The following RIF1 variants were observed in gnomAD, a reference collection of about 807,000 sequenced individuals.
RIF1 encodes the protein replication timing regulatory factor 1, also known as telomere-associated protein RIF1.
A neutral mutation model predicts 247.1 loss-of-function variants in RIF1; 45 were observed. The ratio of observed to expected loss-of-function variants is 0.18; its 90% CI spans 0.14 to 0.23. RIF1 has a LOEUF of 0.23. Among genes scored for constraint, RIF1 ranks in the 10% least tolerant of loss-of-function variants. The pLI, the probability that RIF1 is intolerant of heterozygous loss-of-function variation, is 1.00. For missense variants in RIF1, 2,967 were observed against 2,862.5 expected, an observed-to-expected ratio of 1.04 and a Z score of -0.83; for synonymous variants, 1,087 against 978.8, an observed-to-expected ratio of 1.11 and a Z score of -2.06.
intron 11 of RIF1, chr2:151,501,452 G>A (rs1427881592): frequency 6.5e-7 from 1 of 1,538,006 alleles, no homozygotes; most frequent in East Asian, 2.5e-5. Context: ...AGGTAGGGGA[G>A]TCCCCTTGCT....
At position 151,463,847 on chromosome 2, in the gene RIF1, C is replaced by A; in HGVS notation, c.4327C>A (p.Arg1443=). The change falls in exon 30 of 36, where the codon CGA becomes AGA. Residue 1443 remains arginine, a synonymous_variant. Coordinates refer to ENST00000444746, the MANE Select transcript of RIF1 (RefSeq NM_018151.5). ...GGAAAATAGTCATCAAAAAAAGGAA[C>A]GACGTAAGGAAGAAGAAAAACCTCT... The part of the protein sequence containing the change: ...DKENSHQKKE[R]RKEEEKPLQK... 1 of 1,611,718 alleles carries A rather than the reference C, an allele frequency of 6.2e-7. No homozygotes were observed. The highest frequency in any genetic ancestry group is 8.5e-7 in the Non-Finnish European group (1 of 1,179,506).
At chr2:151,456,921 A>G (rs1439013636) in intron 23 of RIF1, among the ~76,000 whole-genome samples, 1 of 151,908 alleles carries the variant, frequency 6.6e-6, no homozygotes, top group Non-Finnish European at 1.5e-5. Flanking sequence ...TTTAGTAGAG[A>G]CAGGGTTTCA....
intron 10 of RIF1, among the ~76,000 whole-genome samples, chr2:151,434,846 T>C (rs1462325447): frequency 3.3e-5 from 5 of 152,132 alleles, no homozygotes; most frequent in African/African-American, 1.2e-4. Flanking sequence ...TCTGGGGGTA[T>C]ATTTTAGGGG....
intron 21 of RIF1, among the ~76,000 whole-genome samples, chr2:151,454,534 C>A (rs1468947105): frequency 6.6e-6 from 1 of 152,016 alleles, no homozygotes; most frequent in African/African-American, 2.4e-5. Context: ...AATTTGGAAC[C>A]TATCTTATGT....
chr2:151,530,720 C>T, the RIF1 span: 5 of 326,384 alleles, frequency 1.5e-5, no homozygotes, highest in Non-Finnish European at 2.8e-5. Context: ...GCTCCCAGCC[C>T]GCAGCCATCA....
chr2:151,510,241 G>GT (rs1215056761), downstream of RIF1, among the ~76,000 whole-genome samples: 2 of 151,994 alleles, frequency 1.3e-5, no homozygotes, highest in Non-Finnish European at 2.9e-5. Flanking sequence ...GGCCTGGGGA[G>GT]TTTTTTTTAG....
the RIF1 span, among the ~76,000 whole-genome samples, chr2:151,532,729 G>A: frequency 6.8e-5 from 9 of 131,896 alleles, no homozygotes; most frequent in African/African-American, 2.5e-4. Context: ...AAGTTGCTAA[G>A]AGGAAAGCTC....
chr2:151,493,243 T>C, intron 9 of RIF1: 1 of 876,768 alleles, frequency 1.1e-6, no homozygotes, highest in Non-Finnish European at 1.8e-6. Flanking sequence ...CATTTTTCTC[T>C]TTTAAAATTT....
rs1008612933 is a variant in RIF1 at position 151,465,347 on chromosome 2, A to G, written c.5827A>G (p.Ile1943Val). Reference protein sequence around the residue: ...TKTGISEEAAIEENKRNDDSE... With the variant: ...TKTGISEEAAVEENKRNDDSE... Reference sequence around the variant, plus strand: ...AACTGGTATTTCTGAAGAAGCAGCAATAGAAGAAAATAAAAGAAATGATGA... The same window carrying G: ...AACTGGTATTTCTGAAGAAGCAGCAGTAGAAGAAAATAAAAGAAATGATGA... The change falls in exon 30 of 36, where the codon ATA becomes GTA. Residue 1943 changes from isoleucine (I) to valine (V), a missense_variant. Coordinates refer to ENST00000444746, the MANE Select transcript of RIF1 (RefSeq NM_018151.5). 1.4e-5 allele frequency: 22 copies of G among 1,613,806 alleles called. No individual in the cohort carries two copies. Among genetic ancestry groups the G allele is most frequent in the East Asian group, 2.2e-5 (1 of 44,888 alleles).
chr2:151,468,481 C>T lies in RIF1; in HGVS notation c.6755C>T (p.Thr2252Ile). 6.2e-7 allele frequency: 1 copy of T among 1,611,832 alleles called. No individual in the cohort carries two copies. Among genetic ancestry groups the T allele is most frequent in the South Asian group, 1.1e-5 (1 of 91,038 alleles). The change falls in exon 32 of 36, where the codon ACC (threonine) becomes ATC (isoleucine). Residue 2252 changes from threonine to isoleucine, a missense_variant. Physicochemically the swap from Thr to Ile is moderately conservative, Grantham distance 89 (BLOSUM62 -1). Around this residue, in one of 7 missense-constraint regions of RIF1, gnomAD observed 2,028 missense variants for 1,825.6 expected, o/e 1.11. Coordinates refer to ENST00000444746, the MANE Select transcript of RIF1 (RefSeq NM_018151.5). ...TSPTTQSKHNTTSAKGFLSPG... is the reference protein window; with the variant it reads ...TSPTTQSKHNITSAKGFLSPG... The stretch of plus-strand genomic sequence containing the variant: ...CTCCTTTCTTCTATCTAGCATAATA[C>T]CACTTCAGCCAAAGGATTTCTGTCC...
At chr2:151,524,308 T>C in the RIF1 span, 1 of 1,612,688 alleles carries the variant, frequency 6.2e-7, no homozygotes. Context: ...CCATCTGCAT[T>C]ACCTGGCTGC....
chr2:151,511,878 C>T (rs2074678100), downstream of RIF1, among the ~76,000 whole-genome samples: 1 of 152,118 alleles, frequency 6.6e-6, no homozygotes, highest in Non-Finnish European at 1.5e-5. Context: ...GATCTGCGCA[C>T]ACATTTTTAA....
At chr2:151,485,778 G>C (rs772621475), downstream of RIF1, 10 of 1,611,278 alleles carry the variant, frequency 6.2e-6, no homozygotes, top group Non-Finnish European at 8.5e-6. Flanking sequence ...CTTCAACGTA[G>C]TTGGCTGGGA....
At chr2:151,482,475 C>T (rs16830086), downstream of RIF1, among the ~76,000 whole-genome samples, 35,055 of 151,826 alleles carry the variant, frequency 0.23, 4,734 homozygotes, top group Admixed American at 0.36. Context: ...AGAGAGGTTT[C>T]GTCAAATAAG....
chr2:151,466,344 T>TA (rs1696870842), intron 30 of RIF1, among the ~76,000 whole-genome samples: 1 of 152,216 alleles, frequency 6.6e-6, no homozygotes, highest in Non-Finnish European at 1.5e-5. Context: ...CTAAAGATCT[T>TA]TATGCAGCTG....
intron 19 of RIF1, 95 bp from the exon 20 acceptor site, chr2:151,446,331 A>C: frequency 8.9e-7 from 1 of 1,127,058 alleles, no homozygotes; most frequent in Non-Finnish European, 1.3e-6. Flanking sequence ...TAAATGTTGC[A>C]GTGTTTTTAA....
At chr2:151,524,209 A>T in the RIF1 span, 1 of 974,174 alleles carries the variant, frequency 1.0e-6, no homozygotes, top group South Asian at 1.5e-5. Context: ...ACTATTACAG[A>T]CCCAGCATCC....
chr2:151,514,513 C>T, the RIF1 span: 2 of 1,126,242 alleles, frequency 1.8e-6, no homozygotes, highest in Non-Finnish European at 2.7e-6. Flanking sequence ...AAAACAATTC[C>T]AATTTTTAAA....
In RIF1 at chr2:151,429,214, G is replaced by A. The variant is rs185212812; in HGVS notation, c.925+292G>A. On this transcript the variant is annotated intron_variant, in intron 9 of 35. Transcript: ENST00000444746. Reference sequence around the variant, plus strand: ...TTTATTTATTTTTTGAGACAGGGTCGCTCTTGCCCAGGCTGGAGTGCAGTG... The same window carrying A: ...TTTATTTATTTTTTGAGACAGGGTCACTCTTGCCCAGGCTGGAGTGCAGTG... Among the ~76,000 whole-genome samples the A allele has an allele frequency of 6.0e-4, 92 of 152,116 alleles. 1 individual carries two copies. The highest frequency in any genetic ancestry group is 1.7e-3 in the African/African-American group (72 of 41,504).
Sources: allele counts gnomAD v4.1 joint callset (sites outside exome capture counted in the v4.1 genomes callset), GRCh38; gene constraint gnomAD v4.1.1; regional missense constraint gnomAD v4.1.1; transcripts MANE v1.5; gene names NCBI Gene and HGNC (gene_info 2026-07-23, HGNC 2026-07-21).